The following HIVEP1 variants were observed in gnomAD, a reference collection of about 807,000 sequenced individuals.
The protein encoded by HIVEP1 is zinc finger protein 40.
In HIVEP1, 36 loss-of-function variants were observed where a neutral mutation model predicts 180.0. The ratio of observed to expected loss-of-function variants is 0.20; its 90% CI spans 0.15 to 0.26. The LOEUF is 0.26. Ranked by LOEUF, HIVEP1 falls within the 10% of genes least tolerant of loss-of-function variation. HIVEP1 has a pLI of 1.00. For missense variants in HIVEP1, 3,143 were observed against 3,268.7 expected (o/e 0.96, Z 0.94); for synonymous variants, 1,239 against 1,239.0 (o/e 1.00, Z 0.00).
chr6:12,067,725 G>A (rs1669019058), intron 2 of HIVEP1, among the ~76,000 whole-genome samples: 1 of 152,058 alleles, frequency 6.6e-6, no homozygotes, highest in Admixed American at 6.6e-5. Context: ...CCCAGACCAT[G>A]CACTCCATGG....
chr6:12,178,788 G>A, the HIVEP1 span, among the ~76,000 whole-genome samples: 1 of 152,036 alleles, frequency 6.6e-6, no homozygotes. Context: ...GGACATGAAC[G>A]AAAAAATTCA....
chr6:12,118,576 A>G (rs1049053197), intron 3 of HIVEP1, among the ~76,000 whole-genome samples: 2 of 152,196 alleles, frequency 1.3e-5, no homozygotes, highest in Non-Finnish European at 1.5e-5. Flanking sequence ...TTCTCTTGCA[A>G]TAAGTTTTAC....
At chr6:12,206,678 C>G in the HIVEP1 span, among the ~76,000 whole-genome samples, 8 of 152,150 alleles carry the variant, frequency 5.3e-5, no homozygotes, top group Non-Finnish European at 1.2e-4. Context: ...TTAAGCCAAC[C>G]AGTCTGTGGT....
intron 7 of HIVEP1, among the ~76,000 whole-genome samples, chr6:12,140,167 G>A (rs1305363551): frequency 2.6e-5 from 4 of 152,176 alleles, no homozygotes; most frequent in Admixed American, 6.5e-5. Flanking sequence ...AATATTTGCC[G>A]TTCTGCAATA....
intron 2 of HIVEP1, among the ~76,000 whole-genome samples, chr6:12,030,290 A>T (rs957456159): frequency 6.6e-6 from 1 of 152,048 alleles, no homozygotes; most frequent in Non-Finnish European, 1.5e-5. Context: ...TCTTATTTGG[A>T]ATTTTATTGA....
intron 2 of HIVEP1, among the ~76,000 whole-genome samples, chr6:12,086,416 A>G (rs1773127846): frequency 6.6e-6 from 1 of 152,130 alleles, no homozygotes; most frequent in African/African-American, 2.4e-5. Context: ...AGGTAACAGC[A>G]ACAGAGAAAC....
the HIVEP1 span, among the ~76,000 whole-genome samples, chr6:12,211,924 T>A: frequency 6.6e-6 from 1 of 152,180 alleles, no homozygotes; most frequent in Non-Finnish European, 1.5e-5. Context: ...AAATTTTTTT[T>A]AAACTACAGG....
At position 12,125,384 on chromosome 6, in the gene HIVEP1, A is replaced by G. The variant is rs764881863; in HGVS notation, c.5589A>G (p.Ser1863=). ...SELQEFENIK[S]STSLTLTVRS... ...TGCAGGAATTTGAAAACATCAAGTCATCCACATCATTAACTCTTACAGTTC... is the reference window on the plus strand; with the variant it reads ...TGCAGGAATTTGAAAACATCAAGTCGTCCACATCATTAACTCTTACAGTTC... Residue 1863 remains serine, a synonymous_variant, in exon 4 of 9, where the codon TCA becomes TCG. Transcript: ENST00000379388. 6.2e-7 allele frequency: 1 copy of G among 1,614,036 alleles called. No individual in the cohort carries two copies. The highest frequency in any genetic ancestry group is 8.5e-7 in the Non-Finnish European group (1 of 1,179,930).
intron 3 of HIVEP1, among the ~76,000 whole-genome samples, chr6:12,110,381 A>G (rs1774811081): frequency 6.6e-6 from 1 of 152,254 alleles, no homozygotes; most frequent in African/African-American, 2.4e-5. Flanking sequence ...TGGTTTATCT[A>G]CATAGAAAAT....
chr6:12,011,389 G>C (rs1455121161), upstream of HIVEP1, among the ~76,000 whole-genome samples: 1 of 149,928 alleles, frequency 6.7e-6, no homozygotes, highest in Non-Finnish European at 1.5e-5. Flanking sequence ...AGACGGTAAA[G>C]AGAAACTACG....
Position 12,089,174 on chromosome 6 carries a change from T to C in HIVEP1, c.41-10T>C. On this transcript the variant is annotated splice_polypyrimidine_tract_variant and intron_variant, in intron 2 of 8. Transcript: ENST00000379388. ...AAATTAATTTATAAATTTTTCTCTG[T>C]TTTTCTTAGACAAAATTGAAGAAGC... 5.4e-6 allele frequency: 8 copies of C among 1,481,524 alleles called. No individual in the cohort carries two copies. Among genetic ancestry groups the C allele is most frequent in the Non-Finnish European group, 7.5e-6 (8 of 1,067,010 alleles). 91.8% of individuals were successfully genotyped at this position (1,481,524 alleles called of 1,614,324 possible). A position where few individuals can be genotyped will look rare whatever the true frequency, so the allele number is the denominator to read the frequency against.
intron 3 of HIVEP1, among the ~76,000 whole-genome samples, chr6:12,098,976 C>T (rs776834052): frequency 6.6e-5 from 10 of 152,020 alleles, no homozygotes; most frequent in African/African-American, 1.7e-4. Context: ...TTAAGAAAAG[C>T]GTTGGAAGTA....
At position 12,120,120 on chromosome 6, in the gene HIVEP1, A is replaced by G; in HGVS notation, c.325A>G (p.Thr109Ala). Residue 109 changes from threonine to alanine, a missense_variant, in exon 4 of 9, where the codon ACC becomes GCC. Around this residue, in one of 12 missense-constraint regions of HIVEP1, gnomAD observed 114 missense variants for 134.5 expected, o/e 0.85. Transcript: ENST00000379388. ...TCCTGTAAAAAATGGGAAGCAGTTT[A>G]CCAAACAAAATGGAGAAACACCTGG... is the stretch of plus-strand genomic sequence containing the variant. The part of the protein sequence containing the change: ...YIPVKNGKQF[T>A]KQNGETPGII... 6.2e-7 allele frequency: 1 copy of G among 1,613,822 alleles called. No individual in the cohort carries two copies. Among genetic ancestry groups the G allele is most frequent in the South Asian group, 1.1e-5 (1 of 90,986 alleles).
At chr6:12,186,144 T>G in the HIVEP1 span, among the ~76,000 whole-genome samples, 6 of 151,942 alleles carry the variant, frequency 3.9e-5, no homozygotes, top group African/African-American at 1.2e-4. Flanking sequence ...AAATCTAAAT[T>G]TTCATCAACT....
At chr6:12,127,595 G>T (rs964123970) in intron 4 of HIVEP1, among the ~76,000 whole-genome samples, 2 of 152,150 alleles carry the variant, frequency 1.3e-5, no homozygotes, top group Non-Finnish European at 2.9e-5. Flanking sequence ...TTTGTGTAGA[G>T]TAGAGATTCT....
intron 3 of HIVEP1, among the ~76,000 whole-genome samples, chr6:12,094,705 AT>A (rs1206200825): frequency 1.3e-5 from 2 of 151,962 alleles, no homozygotes; most frequent in African/African-American, 4.8e-5. Flanking sequence ...TTATTGAAGA[AT>A]TTTGAATCCA....
At chr6:12,165,074 C>T (rs60653749), downstream of HIVEP1, 1,114 of 495,310 alleles carry the variant, frequency 2.2e-3, 8 homozygotes, top group African/African-American at 0.02. Context: ...CCCTGGGTTC[C>T]ATTCTTTCCA....
chr6:12,152,998 A>G (rs1207914089), intron 7 of HIVEP1, among the ~76,000 whole-genome samples: 2 of 152,252 alleles, frequency 1.3e-5, no homozygotes, highest in Admixed American at 1.3e-4. Context: ...ATATGCTAAA[A>G]AAGAAATCAG....
intron 3 of HIVEP1, among the ~76,000 whole-genome samples, chr6:12,092,871 G>C (rs1015027537): frequency 1.3e-5 from 2 of 152,112 alleles, no homozygotes; most frequent in Non-Finnish European, 2.9e-5. Flanking sequence ...GAGCTCTGCC[G>C]AGCAGTGTGA....
Sources: allele counts gnomAD v4.1 joint callset (sites outside exome capture counted in the v4.1 genomes callset), GRCh38; gene constraint gnomAD v4.1.1; regional missense constraint gnomAD v4.1.1; transcripts MANE v1.5; gene names NCBI Gene and HGNC (gene_info 2026-07-23, HGNC 2026-07-21).